The following FAM91A1 variants were observed in gnomAD, a reference collection of about 807,000 sequenced individuals.
The protein encoded by FAM91A1 is family with sequence similarity 91 member A1, also known as protein FAM91A1.
In FAM91A1, 41 loss-of-function variants were observed where a neutral mutation model predicts 113.5. The observed-to-expected ratio is 0.36, with a 90% confidence interval of 0.28 to 0.47. The LOEUF (loss-of-function observed/expected upper bound fraction) is 0.47. Among genes scored for constraint, FAM91A1 ranks in the 20% least tolerant of loss-of-function variants. The probability of loss-of-function intolerance (pLI) is 1.00; values close to 1 mark genes in which losing one functional copy is unlikely to be tolerated. For missense variants in FAM91A1, 696 were observed against 1,001.2 expected (o/e 0.70, Z 4.11); for synonymous variants, 307 against 347.9 (o/e 0.88, Z 1.31).
chr8:123,776,506 A>G (rs1814987310), intron 3 of FAM91A1, among the ~76,000 whole-genome samples: 1 of 152,230 alleles, frequency 6.6e-6, no homozygotes, highest in Non-Finnish European at 1.5e-5. Context: ...TAGCCCAGGT[A>G]GCATAGTGAA....
At chr8:123,805,431 C>A in intron 19 of FAM91A1, 92 bp downstream of exon 19, 2 of 1,101,414 alleles carry the variant, frequency 1.8e-6, no homozygotes, top group Non-Finnish European at 2.6e-6. Flanking sequence ...GAAATGAATT[C>A]TTGAAATTTT....
intron 1 of FAM91A1, among the ~76,000 whole-genome samples, chr8:123,773,376 G>C (rs1814903056): frequency 6.6e-6 from 1 of 152,178 alleles, no homozygotes; most frequent in Non-Finnish European, 1.5e-5. Context: ...GAGGATAGCA[G>C]TCATATATTA....
At position 123,812,832 on chromosome 8, in the gene FAM91A1, TG is replaced by T; in HGVS notation, c.*132del. On this transcript the variant is annotated 3_prime_UTR_variant, in exon 24 of 24. Transcript: ENST00000334705. ...TTCTTGCTTAACTAATATTAAAAGTTGGGGAACATATTCATGTTTTCTGAAG... is the reference window on the plus strand; with the variant it reads ...TTCTTGCTTAACTAATATTAAAAGTTGGGAACATATTCATGTTTTCTGAAG... 1.2e-6 allele frequency: 1 copy of T among 827,770 alleles called. No homozygotes were observed. Among genetic ancestry groups the T allele is most frequent in the Non-Finnish European group, 1.8e-6 (1 of 569,788 alleles). 51.3% of individuals were successfully genotyped at this position (827,770 alleles called of 1,614,324 possible). A position where few individuals can be genotyped will look rare whatever the true frequency, so the allele number is the denominator to read the frequency against.
Position 123,815,180 on chromosome 8 carries a change from T to C in FAM91A1, c.*2476T>C, listed in dbSNP as rs2130180285. Reference sequence around the variant, plus strand: ...TAAATTATGTAATCAGATGATTTTATGTTTTTTTTTCAGGGGAGCGGAATA... The same window carrying C: ...TAAATTATGTAATCAGATGATTTTACGTTTTTTTTTCAGGGGAGCGGAATA... On this transcript the variant is annotated 3_prime_UTR_variant, in exon 24 of 24. Coordinates refer to ENST00000334705, the MANE Select transcript of FAM91A1 (RefSeq NM_144963.4). 6.5e-6 allele frequency: 1 copy of C among 152,694 alleles called. No homozygotes were observed. Among genetic ancestry groups the C allele is most frequent in the Middle Eastern group, 3.4e-3 (1 of 294 alleles). The allele number at this position is 152,694 out of a possible 1,614,324, so 9.5% of individuals were successfully genotyped here.
intron 2 of FAM91A1, among the ~76,000 whole-genome samples, chr8:123,774,546 G>A (rs1247177046): frequency 6.6e-6 from 1 of 151,608 alleles, no homozygotes; most frequent in African/African-American, 2.4e-5. Context: ...TAATAATTGG[G>A]ACACATTTTA....
At position 123,810,304 on chromosome 8, in the gene FAM91A1, A is replaced by G. The variant is rs764590044; in HGVS notation, c.2284A>G (p.Ser762Gly). The G allele has an allele frequency of 5.0e-6, 8 of 1,610,716 alleles. No homozygotes were observed. The highest frequency in any genetic ancestry group is 2.2e-5 in the East Asian group (1 of 44,800). ...KESLQNLLHSSRKLSLQVLNF... is the reference protein window; with the variant it reads ...KESLQNLLHSGRKLSLQVLNF... ...CAGCCTTCAAAACCTCTTACATTCC[A>G]GTAGAAAACTCTCTCTGCAAGTCCT... Residue 762 changes from serine to glycine, a missense_variant, in exon 23 of 24, where the codon AGT (serine) becomes GGT (glycine). Transcript: ENST00000334705.
chr8:123,779,922 C>T (rs1815079457), intron 6 of FAM91A1, 63 bp from the exon 7 acceptor site: 6 of 1,350,818 alleles, frequency 4.4e-6, no homozygotes, highest in Non-Finnish European at 6.3e-6. Context: ...AAATAAATTT[C>T]AGGAGACTTG....
At chr8:123,799,698 C>G (rs781191333) in intron 17 of FAM91A1, 44 bp downstream of exon 17, 12 of 1,610,126 alleles carry the variant, frequency 7.5e-6, no homozygotes, top group Non-Finnish European at 1.0e-5. Flanking sequence ...TGTGTGTGAG[C>G]AGTATGCTAG....
chr8:123,808,863 A>G, intron 21 of FAM91A1, 30 bp from the exon 22 acceptor site: 1 of 1,579,554 alleles, frequency 6.3e-7, no homozygotes, highest in South Asian at 1.2e-5. Flanking sequence ...TATATATGAT[A>G]AAAAAATAAG....
intron 8 of FAM91A1, among the ~76,000 whole-genome samples, chr8:123,783,039 G>A (rs1486425724): frequency 2.0e-5 from 3 of 152,138 alleles, no homozygotes; most frequent in East Asian, 3.9e-4. Context: ...AGTCATGCGT[G>A]TTGGCATGTG....
At chr8:123,775,008 C>A in intron 2 of FAM91A1, 139 bp from the exon 3 acceptor site, 1 of 807,798 alleles carries the variant, frequency 1.2e-6, no homozygotes, top group Non-Finnish European at 1.8e-6. Flanking sequence ...TTCTTTGTTC[C>A]AACTTAGAAT....
At position 123,768,695 on chromosome 8, in the gene FAM91A1, G is replaced by A. The variant is rs368997819; in HGVS notation, c.-8G>A. On this transcript the variant is annotated 5_prime_UTR_variant, in exon 1 of 24. Coordinates refer to ENST00000334705, the MANE Select transcript of FAM91A1 (RefSeq NM_144963.4). ...GCGGCCCCGGCCGCCGGCCCTGGCC[G>A]CGGCATCATGAACATAGACGTGGAG... The A allele has an allele frequency of 8.2e-6, 13 of 1,593,104 alleles. No homozygotes were observed. The Admixed American group carries it at 1.2e-4, about 15-fold the overall frequency.
chr8:123,800,582 T>G (rs568747507), intron 18 of FAM91A1, among the ~76,000 whole-genome samples: 1 of 152,186 alleles, frequency 6.6e-6, no homozygotes, highest in Non-Finnish European at 1.5e-5. Context: ...TTCACAGATA[T>G]GTACAGCCAT....
At chr8:123,801,175 A>G (rs1477998248) in intron 18 of FAM91A1, among the ~76,000 whole-genome samples, 1 of 152,226 alleles carries the variant, frequency 6.6e-6, no homozygotes, top group Non-Finnish European at 1.5e-5. Flanking sequence ...TTTTGATGAT[A>G]ACCACCTTAG....
chr8:123,778,841 C>G (rs1400965713), intron 6 of FAM91A1, 69 bp downstream of exon 6: 2 of 1,029,272 alleles, frequency 1.9e-6, no homozygotes, highest in African/African-American at 3.4e-5. Flanking sequence ...TTAATTATAG[C>G]TTATAATTTT....
At chr8:123,802,990 C>T (rs757181798) in intron 18 of FAM91A1, among the ~76,000 whole-genome samples, 5 of 152,138 alleles carry the variant, frequency 3.3e-5, no homozygotes, top group Admixed American at 6.6e-5. Flanking sequence ...GGTGATTCCA[C>T]GAGCTTCAGT....
chr8:123,790,864 A>C (rs372748178), intron 15 of FAM91A1, among the ~76,000 whole-genome samples: 1 of 152,214 alleles, frequency 6.6e-6, no homozygotes, highest in Non-Finnish European at 1.5e-5. Flanking sequence ...TAAAACTGAG[A>C]ATATTAAATT....
intron 8 of FAM91A1, among the ~76,000 whole-genome samples, chr8:123,783,198 T>C (rs952609720): frequency 6.6e-6 from 1 of 151,822 alleles, no homozygotes; most frequent in Non-Finnish European, 1.5e-5. Flanking sequence ...AATAAATAGA[T>C]ACATTTAAAA....
intron 8 of FAM91A1, among the ~76,000 whole-genome samples, chr8:123,781,763 G>A (rs1815130042): frequency 6.6e-6 from 1 of 152,142 alleles, no homozygotes; most frequent in Non-Finnish European, 1.5e-5. Flanking sequence ...GGGATTACAG[G>A]CGTGAGCCAC....
Sources: allele counts gnomAD v4.1 joint callset (sites outside exome capture counted in the v4.1 genomes callset), GRCh38; gene constraint gnomAD v4.1.1; transcripts MANE v1.5; gene names NCBI Gene and HGNC (gene_info 2026-07-23, HGNC 2026-07-21).